The following LALBA variants were observed in gnomAD, a reference collection of about 807,000 sequenced individuals.
LALBA encodes the protein lactalbumin alpha.
In LALBA, 12 loss-of-function variants were observed where a neutral mutation model predicts 13.4. That is an observed-to-expected ratio of 0.89 (90% CI 0.57 to 1.45). LALBA has a LOEUF of 1.45. Among genes scored for constraint, LALBA ranks in the 40% most tolerant of loss-of-function variants. LALBA has a pLI of 0.00. For synonymous variants in LALBA, 64 were observed against 61.0 expected (o/e 1.05, Z -0.23); for missense variants, 145 against 165.9 (o/e 0.87, Z 0.69).
upstream of LALBA, among the ~76,000 whole-genome samples, chr12:48,571,532 G>C (rs910184503): frequency 6.6e-6 from 1 of 151,566 alleles, no homozygotes; most frequent in African/African-American, 2.4e-5. Flanking sequence ...CTACAGGCAC[G>C]TGTTACCATG....
At chr12:48,569,828 G>A (rs1355428024) in intron 1 of LALBA, 60 bp downstream of exon 1, 5 of 1,562,046 alleles carry the variant, frequency 3.2e-6, no homozygotes, top group Non-Finnish European at 4.4e-6. Flanking sequence ...GTGGAAGAAA[G>A]AGGGGATGGA....
At chr12:48,569,015 A>G in intron 2 of LALBA, 67 bp downstream of exon 2, 1 of 1,393,438 alleles carries the variant, frequency 7.2e-7, no homozygotes, top group Non-Finnish European at 9.8e-7. Context: ...GCTTGGCACT[A>G]AAAAGGAGAT....
At chr12:48,568,157 A>G (rs1413461236) in intron 3 of LALBA, 140 bp from the exon 4 acceptor site, 11 of 685,326 alleles carry the variant, frequency 1.6e-5, no homozygotes, top group Non-Finnish European at 2.9e-5. Flanking sequence ...CAAGCCATCA[A>G]GTGGAATACA....
At position 48,569,215 on chromosome 12, in the gene LALBA, A is replaced by G. The variant is rs1938603013; in HGVS notation, c.159T>C (p.Ser53=). 1 of 1,613,040 alleles carries G rather than the reference A, an allele frequency of 6.2e-7. No individual in the cohort carries two copies. The highest frequency in any genetic ancestry group is 1.7e-5 in the Admixed American group (1 of 59,922). Residue 53 remains serine, a synonymous_variant, in exon 2 of 4, where the codon AGT becomes AGC. Transcript: ENST00000301046. ...PELICTMFHT[S]GYDTQAIVEN... ...CAACTATGGCTTGTGTGTCATAACCACTGGTGTGAAACATGGTACAGATCA... is the reference window on the plus strand; with the variant it reads ...CAACTATGGCTTGTGTGTCATAACCGCTGGTGTGAAACATGGTACAGATCA...
At chr12:48,570,484 T>C (rs1228009884), upstream of LALBA, among the ~76,000 whole-genome samples, 2 of 152,132 alleles carry the variant, frequency 1.3e-5, no homozygotes. Context: ...TGTCATCACA[T>C]GCCACAGTCC....
At chr12:48,571,574 G>C (rs138887588), upstream of LALBA, among the ~76,000 whole-genome samples, 2 of 151,712 alleles carry the variant, frequency 1.3e-5, no homozygotes, top group African/African-American at 4.8e-5. Context: ...TAGTAGAGAC[G>C]GAGTTTCTGC....
At position 48,567,821 on chromosome 12, in the gene LALBA, G is replaced by C. The variant is rs368642775; in HGVS notation, c.*136C>G. ...CCTGGAAAATAGTCTTCAAGAATTC[G>C]GTGATGTCACTACAGGGCCCAAGGC... is the stretch of plus-strand genomic sequence containing the variant. On this transcript the variant is annotated 3_prime_UTR_variant, in exon 4 of 4. Coordinates refer to ENST00000301046, the MANE Select transcript of LALBA (RefSeq NM_002289.3). 2.1e-5 allele frequency: 15 copies of C among 729,726 alleles called. No homozygotes were observed. In the East Asian group the frequency reaches 4.1e-4, roughly 20 times the overall value. 45.2% of individuals were successfully genotyped at this position (729,726 alleles called of 1,614,324 possible).
upstream of LALBA, among the ~76,000 whole-genome samples, chr12:48,571,386 C>CTTTTTTTTTTTTTTTTT (rs60444004): frequency 4.1e-5 from 4 of 98,056 alleles, 1 homozygote; most frequent in Non-Finnish European, 7.4e-5. Context: ...CTTCTTCTTC[C>CTTTTTTTTTTTTTTTTT]TTTTTTTTTT....
At chr12:48,570,063 T>G (rs781167510), upstream of LALBA, 1 of 1,610,320 alleles carries the variant, frequency 6.2e-7, no homozygotes, top group Admixed American at 1.7e-5. Flanking sequence ...ATCACTCAGT[T>G]TCATTTATTT....
upstream of LALBA, chr12:48,570,185 C>T: frequency 1.5e-6 from 1 of 669,734 alleles, no homozygotes; most frequent in Non-Finnish European, 2.5e-6. Flanking sequence ...CAGCTTCCTT[C>T]CATAATTCAC....
chr12:48,569,945 C>A lies in LALBA; in HGVS notation c.76G>T (p.Glu26Ter), dbSNP rs1337611011. The A allele has an allele frequency of 1.2e-6, 2 of 1,613,902 alleles. No individual in the cohort carries two copies. The highest frequency in any genetic ancestry group is 1.7e-6 in the Non-Finnish European group (2 of 1,179,998). ...AILAKQFTKC[E>*]LSQLLKDIDG... ...ATGTCTTTCAGCAGCTGGGACAGCT[C>A]ACATTTTGTGAATTGCTTGGCCAGG... is the stretch of plus-strand genomic sequence containing the variant. Residue 26 changes from glutamate to a stop codon, truncating the protein, a stop_gained, in exon 1 of 4, where the codon GAG becomes TAG. Coordinates refer to ENST00000301046, the MANE Select transcript of LALBA (RefSeq NM_002289.3). LOFTEE classifies it high-confidence loss of function.
At chr12:48,568,338 T>C (rs1938591993) in intron 3 of LALBA, 179 bp downstream of exon 3, 1 of 621,224 alleles carries the variant, frequency 1.6e-6, no homozygotes, top group Non-Finnish European at 2.8e-6. Flanking sequence ...GGAAAATTGC[T>C]ACCAAGGAGC....
intron 3 of LALBA, 67 bp from the exon 4 acceptor site, chr12:48,568,084 C>T: frequency 7.9e-7 from 1 of 1,270,208 alleles, no homozygotes; most frequent in Non-Finnish European, 1.1e-6. Context: ...CCCAGGAGGG[C>T]TGAAGTGGAA....
At chr12:48,570,981 T>TAAAAA, upstream of LALBA, among the ~76,000 whole-genome samples, 2 of 116,264 alleles carry the variant, frequency 1.7e-5, no homozygotes, top group Non-Finnish European at 3.5e-5. Flanking sequence ...ACCCTATCTT[T>TAAAAA]AAAAAAAAAA....
In LALBA at chr12:48,567,732, G is replaced by A. The variant is rs1289142047; in HGVS notation, c.*225C>T. ...TCAAGACAGAGGTGAAATCTGTGCTGTAGTGAAAGTGCCATCGAAGGCACT... is the reference window on the plus strand; with the variant it reads ...TCAAGACAGAGGTGAAATCTGTGCTATAGTGAAAGTGCCATCGAAGGCACT... On this transcript the variant is annotated 3_prime_UTR_variant, in exon 4 of 4. Transcript: ENST00000301046. 9.9e-6 allele frequency: 5 copies of A among 503,472 alleles called. No homozygotes were observed. Among genetic ancestry groups the A allele is most frequent in the South Asian group, 2.2e-5 (1 of 44,704 alleles). The allele number at this position is 503,472 out of a possible 1,614,324, so 31.2% of individuals were successfully genotyped here. A position where few individuals can be genotyped will look rare whatever the true frequency, so the allele number is the denominator to read the frequency against.
At chr12:48,569,392 A>AG (rs1938605159) in intron 1 of LALBA, 152 bp from the exon 2 acceptor site, 2 of 668,384 alleles carry the variant, frequency 3.0e-6, no homozygotes, top group South Asian at 3.7e-5. Flanking sequence ...CCAAAAAAAA[A>AG]TCAGACAATA....
upstream of LALBA, among the ~76,000 whole-genome samples, chr12:48,571,586 T>C (rs910137520): frequency 2.6e-5 from 4 of 152,004 alleles, no homozygotes; most frequent in Non-Finnish European, 5.9e-5. Context: ...AGTTTCTGCA[T>C]GTTGGCCAGG....
At position 48,567,969 on chromosome 12, in the gene LALBA, A is replaced by T. The variant is rs933823111; in HGVS notation, c.417T>A (p.Cys139Ter). Residue 139 changes from cysteine (C) to a stop codon, truncating the protein, a stop_gained, in exon 4 of 4, where the codon TGT becomes TGA. Transcript: ENST00000301046. LOFTEE classifies it high-confidence loss of function. ...GGACAGCAGACACTCACAACTTCTC[A>T]CAAAGCCACTGTTCCAGCTTCTCAG... ...LCTEKLEQWL[C>*]EKL is the part of the protein sequence containing the mutation. 1.2e-6 allele frequency: 2 copies of T among 1,604,232 alleles called. No individual in the cohort carries two copies. Among genetic ancestry groups the T allele is most frequent in the African/African-American group, 2.7e-5 (2 of 74,816 alleles).
At chr12:48,568,042 G>T (rs118046774) in intron 3 of LALBA, 25 bp from the exon 4 acceptor site, 6 of 1,560,974 alleles carry the variant, frequency 3.8e-6, no homozygotes, top group Non-Finnish European at 5.2e-6. Flanking sequence ...GGGGGACAAG[G>T]TGAGTTAGCT....
Sources: gnomAD v4.1 joint callset for allele counts (sites outside exome capture counted in the v4.1 genomes callset) on GRCh38, gnomAD v4.1.1 for gene constraint, MANE v1.5 for transcripts, NCBI Gene and HGNC (gene_info 2026-07-23, HGNC 2026-07-21) for gene names.